Variants in ATRN observed in about 807,000 individuals in gnomAD.
ATRN encodes the protein attractin.
ATRN carries 54 observed loss-of-function variants against 178.7 expected under a neutral mutation model. That is an observed-to-expected ratio of 0.30 (90% CI 0.24 to 0.38). ATRN has a LOEUF of 0.38. ATRN is among the 10% of genes least tolerant of loss of function. The pLI is 1.00. For synonymous variants in ATRN, 636 were observed against 663.0 expected (o/e 0.96, Z 0.63); for missense variants, 1,443 against 1,815.1 (o/e 0.79, Z 3.73).
At chr20:3,532,085 C>T (rs2085460654) in intron 1 of ATRN, among the ~76,000 whole-genome samples, 1 of 152,074 alleles carries the variant, frequency 6.6e-6, no homozygotes, top group Non-Finnish European at 1.5e-5. Flanking sequence ...AGCCATTGAG[C>T]TTGCCACTGC....
chr20:3,499,919 T>G (rs2084932957), intron 1 of ATRN, among the ~76,000 whole-genome samples: 1 of 150,826 alleles, frequency 6.6e-6, no homozygotes, highest in Non-Finnish European at 1.5e-5. Context: ...GGGAGAAAAT[T>G]TTTGCAACCT....
intron 6 of ATRN, among the ~76,000 whole-genome samples, chr20:3,555,820 A>G (rs1600103153): frequency 2.0e-5 from 3 of 152,356 alleles, no homozygotes; most frequent in Admixed American, 2.0e-4. Flanking sequence ...AAGAAGTGGC[A>G]TCGTAGCTAG....
In ATRN at chr20:3,489,661, A is replaced by G. The variant is rs990040460; in HGVS notation, c.410+18144A>G. ...GCCTTCTGCAATTTGAATTTGGCCC[A>G]CAAGGAGACAGCATCTTCAATCTGC... On this transcript the variant is annotated intron_variant, in intron 1 of 28. Transcript: ENST00000262919. The G allele has an allele frequency of 4.6e-6, 7 of 1,531,408 alleles. No homozygotes were observed. The African/African-American group carries it at 5.5e-5, about 12-fold the overall frequency. The allele number at this position is 1,531,408 out of a possible 1,614,324, so 94.9% of individuals were successfully genotyped here. A position where few individuals can be genotyped will look rare whatever the true frequency, so the allele number is the denominator to read the frequency against.
chr20:3,520,426 A>G lies in ATRN; in HGVS notation c.411-14827A>G, dbSNP rs550492321. Among the ~76,000 whole-genome samples, 3 of 152,332 alleles carry G rather than the reference A, an allele frequency of 2.0e-5. No homozygotes were observed. In the South Asian group the frequency reaches 6.2e-4, roughly 32 times the overall value. Reference sequence around the variant, plus strand: ...AGTGAAAGGCAGGAAAGGGAAGATAACCATTGATAAGATGGAAAAGTTCAG... The same window carrying G: ...AGTGAAAGGCAGGAAAGGGAAGATAGCCATTGATAAGATGGAAAAGTTCAG... On this transcript the variant is annotated intron_variant, in intron 1 of 28. Coordinates refer to ENST00000262919, the MANE Select transcript of ATRN (RefSeq NM_139321.3).
chr20:3,478,310 A>G (rs1483043105), intron 1 of ATRN, among the ~76,000 whole-genome samples: 2 of 152,182 alleles, frequency 1.3e-5, no homozygotes, highest in Non-Finnish European at 2.9e-5. Flanking sequence ...CTGATGGGCT[A>G]TCCAGCCCAT....
At chr20:3,477,750 A>C (rs190808814) in intron 1 of ATRN, among the ~76,000 whole-genome samples, 1 of 152,364 alleles carries the variant, frequency 6.6e-6, no homozygotes, top group East Asian at 1.9e-4. Flanking sequence ...TGAGCAGTAA[A>C]TATCTGTTGA....
chr20:3,543,668 T>G (rs1393964804), intron 3 of ATRN, among the ~76,000 whole-genome samples: 9 of 150,034 alleles, frequency 6.0e-5, no homozygotes, highest in African/African-American at 9.9e-5. Context: ...GAGGTTGCGG[T>G]GAGCCGAGAT....
intron 1 of ATRN, among the ~76,000 whole-genome samples, chr20:3,473,613 A>G (rs573414026): frequency 1.3e-5 from 2 of 152,336 alleles, no homozygotes; most frequent in South Asian, 4.1e-4. Flanking sequence ...ATGGCCTTGA[A>G]GGTGAGGCCA....
At chr20:3,637,441 C>T (rs1185339040) in intron 26 of ATRN, among the ~76,000 whole-genome samples, 10 of 152,066 alleles carry the variant, frequency 6.6e-5, no homozygotes, top group Non-Finnish European at 1.5e-5. Flanking sequence ...AGTAAATGGA[C>T]CTACAGCTTT....
rs2087116421 is a variant in ATRN at position 3,647,525 on chromosome 20, T to G, written c.*678T>G. On this transcript the variant is annotated 3_prime_UTR_variant, in exon 29 of 29. Transcript: ENST00000262919. Reference sequence around the variant, plus strand: ...TTCTATAGTAACTTGATTAATTTAGTCTTAATCCATTTGAAACTCTCTCTT... The same window carrying G: ...TTCTATAGTAACTTGATTAATTTAGGCTTAATCCATTTGAAACTCTCTCTT... 6.6e-6 allele frequency: 1 copy of G among 152,264 alleles called. No homozygotes were observed. The highest frequency in any genetic ancestry group is 2.1e-4 in the South Asian group (1 of 4,830). 9.4% of individuals were successfully genotyped at this position (152,264 alleles called of 1,614,324 possible).
chr20:3,542,061 T>C (rs968895368), intron 3 of ATRN, among the ~76,000 whole-genome samples: 5 of 152,322 alleles, frequency 3.3e-5, no homozygotes, highest in Middle Eastern at 6.8e-3. Flanking sequence ...TTTCTGTGTT[T>C]AGAGGTTCAC....
At chr20:3,580,027 C>T (rs2086261641) in intron 15 of ATRN, among the ~76,000 whole-genome samples, 1 of 152,148 alleles carries the variant, frequency 6.6e-6, no homozygotes, top group Non-Finnish European at 1.5e-5. Flanking sequence ...AGTGTGTTTA[C>T]CTCAGGCTAC....
intron 24 of ATRN, among the ~76,000 whole-genome samples, chr20:3,605,853 G>A (rs970456105): frequency 1.3e-5 from 2 of 152,124 alleles, no homozygotes; most frequent in Non-Finnish European, 2.9e-5. Context: ...TGTGGCACAC[G>A]TTTACCTATG....
In ATRN at chr20:3,501,733, T is replaced by C. The variant is rs149641518; in HGVS notation, c.410+30216T>C. ...CCAACTTTTGGTACAGCTTTTCCCTTGGGGGGACTGGCCGATTTGAGATGT... is the reference window on the plus strand; with the variant it reads ...CCAACTTTTGGTACAGCTTTTCCCTCGGGGGGACTGGCCGATTTGAGATGT... On this transcript the variant is annotated intron_variant, in intron 1 of 28. Transcript: ENST00000262919. Among the ~76,000 whole-genome samples the C allele has an allele frequency of 6.1e-3, 921 of 152,196 alleles. 15 individuals carry two copies. Among genetic ancestry groups the C allele is most frequent in the African/African-American group, 0.021 (856 of 41,522 alleles).
intron 2 of ATRN, among the ~76,000 whole-genome samples, chr20:3,539,870 A>C (rs1408582037): frequency 6.6e-6 from 1 of 151,878 alleles, no homozygotes; most frequent in Non-Finnish European, 1.5e-5. Flanking sequence ...GCAAATTTAG[A>C]GGATTGGCAG....
In ATRN at chr20:3,588,182, A is replaced by G. The variant is rs192397870; in HGVS notation, c.3185-2987A>G. Among the ~76,000 whole-genome samples the G allele has an allele frequency of 3.7e-3, 569 of 152,280 alleles. 2 individuals are homozygous for G. The highest frequency in any genetic ancestry group is 0.014 in the Middle Eastern group (4 of 294). On this transcript the variant is annotated intron_variant, in intron 18 of 28. Transcript: ENST00000262919. ...TTAACAAGGTTAAATCTTCTAGCCT[A>G]TGAACCTGGAATGTCTATTTATTTA...
chr20:3,489,598 A>G (rs2146084958), intron 1 of ATRN: 1 of 1,487,604 alleles, frequency 6.7e-7, no homozygotes, highest in East Asian at 2.3e-5. Flanking sequence ...TTGAGTCTTC[A>G]TATTCTTCCT....
intron 24 of ATRN, among the ~76,000 whole-genome samples, chr20:3,622,546 C>T (rs1483056166): frequency 1.3e-5 from 2 of 152,258 alleles, no homozygotes; most frequent in Non-Finnish European, 2.9e-5. Context: ...TCTCCTTCAT[C>T]TTCAGAAGTG....
At chr20:3,600,099 T>C (rs1260057428) in intron 22 of ATRN, among the ~76,000 whole-genome samples, 1 of 152,214 alleles carries the variant, frequency 6.6e-6, no homozygotes, top group Non-Finnish European at 1.5e-5. Flanking sequence ...GCAAAAATAA[T>C]TGTTTGACCC....
Sources: gnomAD v4.1 joint callset for allele counts (sites outside exome capture counted in the v4.1 genomes callset) on GRCh38, gnomAD v4.1.1 for gene constraint, MANE v1.5 for transcripts, NCBI Gene and HGNC (gene_info 2026-07-23, HGNC 2026-07-21) for gene names.